The following SLC35F3 variants were observed in gnomAD, a reference collection of about 807,000 sequenced individuals.
SLC35F3 encodes putative thiamine transporter SLC35F3.
SLC35F3 carries 25 observed loss-of-function variants against 49.9 expected under a neutral mutation model. The observed-to-expected ratio is 0.50, with a 90% CI of 0.37 to 0.70. The LOEUF (loss-of-function observed/expected upper bound fraction) is 0.70, where lower values mean the gene tolerates loss of function less well. Among genes scored for constraint, SLC35F3 ranks in the 30% least tolerant of loss-of-function variants. The pLI, the probability that SLC35F3 is intolerant of heterozygous loss-of-function variation, is 0.00. For synonymous variants in SLC35F3, 275 were observed against 265.4 expected, an observed-to-expected ratio of 1.04 and a Z score of -0.35; for missense variants, 525 against 639.8, an observed-to-expected ratio of 0.82 and a Z score of 1.94.
intron 2 of SLC35F3, among the ~76,000 whole-genome samples, chr1:234,029,574 ACCCACAT>A (rs2102847379): frequency 6.6e-6 from 1 of 152,260 alleles, no homozygotes; most frequent in African/African-American, 2.4e-5. Context: ...GACAGAAGGA[ACCCACAT>A]TTCTTTATTT....
chr1:234,194,806 G>T (rs1447737166), intron 2 of SLC35F3, among the ~76,000 whole-genome samples: 6 of 152,094 alleles, frequency 3.9e-5, no homozygotes, highest in African/African-American at 1.4e-4. Context: ...ACACATCCTG[G>T]TCTTGGAATA....
chr1:234,071,001 T>C (rs1452636319), intron 2 of SLC35F3, among the ~76,000 whole-genome samples: 1 of 152,222 alleles, frequency 6.6e-6, no homozygotes, highest in Non-Finnish European at 1.5e-5. Context: ...CCTGAAGCCC[T>C]GCCTCCAGGC....
intron 2 of SLC35F3, among the ~76,000 whole-genome samples, chr1:234,195,893 C>G (rs768829669): frequency 1.3e-5 from 2 of 152,176 alleles, no homozygotes; most frequent in African/African-American, 4.8e-5. Context: ...CTTTCATTCT[C>G]TCTCTTGTCT....
intron 2 of SLC35F3, among the ~76,000 whole-genome samples, chr1:234,029,973 C>G (rs16842444): frequency 6.6e-6 from 1 of 152,042 alleles, no homozygotes; most frequent in Non-Finnish European, 1.5e-5. Flanking sequence ...TGCCATGCTT[C>G]TTGGCCAAAG....
intron 2 of SLC35F3, among the ~76,000 whole-genome samples, chr1:234,067,592 A>T (rs1664640738): frequency 6.6e-6 from 1 of 152,170 alleles, no homozygotes; most frequent in Non-Finnish European, 1.5e-5. Context: ...CTTTTCTCAG[A>T]ACCCTGAGAC....
chr1:234,324,304 T>C lies in SLC35F3; in HGVS notation c.*1061T>C, dbSNP rs1657702909. The stretch of plus-strand genomic sequence containing the variant: ...GTAAAGAGGGTCAGGGGTTAGAGTT[T>C]ACTATTTTTGAAGTTTACATTGTTA... On this transcript the variant is annotated 3_prime_UTR_variant, in exon 8 of 8. Transcript: ENST00000366618. 1 of 152,232 alleles carries C rather than the reference T, an allele frequency of 6.6e-6. No individual in the cohort carries two copies. Among genetic ancestry groups the C allele is most frequent in the South Asian group, 2.1e-4 (1 of 4,828 alleles). The allele number at this position is 152,232 out of a possible 1,614,324, so 9.4% of individuals were successfully genotyped here. A position where few individuals can be genotyped will look rare whatever the true frequency, so the allele number is the denominator to read the frequency against.
chr1:234,268,391 G>C (rs1352018527), intron 3 of SLC35F3, among the ~76,000 whole-genome samples: 1 of 152,094 alleles, frequency 6.6e-6, no homozygotes, highest in Admixed American at 6.5e-5. Flanking sequence ...GCAGTGAGCC[G>C]AGATGGCAGC....
intron 2 of SLC35F3, among the ~76,000 whole-genome samples, chr1:234,099,622 A>AC (rs1162512652): frequency 2.7e-5 from 4 of 150,328 alleles, no homozygotes; most frequent in Non-Finnish European, 5.9e-5. Flanking sequence ...AAAAAAAAAA[A>AC]AAAAACAAAA....
chr1:234,157,754 G>C (rs1225198362), intron 2 of SLC35F3, among the ~76,000 whole-genome samples: 1 of 152,130 alleles, frequency 6.6e-6, no homozygotes, highest in African/African-American at 2.4e-5. Flanking sequence ...CTCACGTGCA[G>C]AAACTTGATG....
chr1:234,216,747 T>G (rs1042209872), intron 2 of SLC35F3, among the ~76,000 whole-genome samples: 1 of 152,324 alleles, frequency 6.6e-6, no homozygotes. Flanking sequence ...GAACACAGCC[T>G]CAGTTTCCGC....
intron 2 of SLC35F3, among the ~76,000 whole-genome samples, chr1:234,171,735 A>G (rs1666402174): frequency 6.6e-6 from 1 of 152,224 alleles, no homozygotes; most frequent in Non-Finnish European, 1.5e-5. Context: ...CTAGACAGGA[A>G]GAATAATTTC....
At chr1:233,973,291 A>G (rs1489915599) in intron 2 of SLC35F3, among the ~76,000 whole-genome samples, 2 of 152,222 alleles carry the variant, frequency 1.3e-5, no homozygotes, top group Non-Finnish European at 2.9e-5. Flanking sequence ...GAAAGGTGCC[A>G]TGGAAAGCTG....
At chr1:234,137,771 A>G (rs111584069) in intron 2 of SLC35F3, among the ~76,000 whole-genome samples, 1 of 152,206 alleles carries the variant, frequency 6.6e-6, no homozygotes, top group African/African-American at 2.4e-5. Context: ...AGTAGCTGCA[A>G]ATTAGCAGGA....
chr1:234,322,189 G>A (rs562779274), intron 7 of SLC35F3, among the ~76,000 whole-genome samples: 3 of 136,272 alleles, frequency 2.2e-5, no homozygotes, highest in Non-Finnish European at 3.1e-5. Flanking sequence ...GTGAGACCCT[G>A]TCTCAAAAAA....
At chr1:234,260,281 T>G (rs1003727956) in intron 3 of SLC35F3, among the ~76,000 whole-genome samples, 2 of 152,192 alleles carry the variant, frequency 1.3e-5, no homozygotes, top group African/African-American at 4.8e-5. Flanking sequence ...CTGCACTTCG[T>G]GAAAGGCTGC....
chr1:234,206,302 G>T (rs1572094492), intron 2 of SLC35F3, among the ~76,000 whole-genome samples: 1 of 152,116 alleles, frequency 6.6e-6, no homozygotes, highest in East Asian at 1.9e-4. Flanking sequence ...GCCTAAGCAC[G>T]CAGTCGGGGA....
intron 3 of SLC35F3, among the ~76,000 whole-genome samples, chr1:234,273,424 C>T (rs1001358306): frequency 6.6e-6 from 1 of 152,184 alleles, no homozygotes; most frequent in Non-Finnish European, 1.5e-5. Flanking sequence ...CCTACAATTC[C>T]AGCAGTCTGT....
chr1:234,128,613 G>C (rs1362567459), intron 2 of SLC35F3, among the ~76,000 whole-genome samples: 1 of 152,128 alleles, frequency 6.6e-6, no homozygotes. Flanking sequence ...CATGAAGAGG[G>C]GATGATAGTT....
At chr1:234,136,404 T>G (rs1665813139) in intron 2 of SLC35F3, among the ~76,000 whole-genome samples, 1 of 151,852 alleles carries the variant, frequency 6.6e-6, no homozygotes. Flanking sequence ...AGAGACAGGG[T>G]CTCACTATGT....
Sources: gnomAD v4.1 joint callset for allele counts (sites outside exome capture counted in the v4.1 genomes callset) on GRCh38, gnomAD v4.1.1 for gene constraint, MANE v1.5 for transcripts, NCBI Gene and HGNC (gene_info 2026-07-23, HGNC 2026-07-21) for gene names.